Variants in CRISPLD1 observed in about 807,000 individuals in gnomAD.
CRISPLD1 encodes the protein cysteine rich secretory protein LCCL domain containing 1.
A neutral mutation model predicts 77.5 loss-of-function variants in CRISPLD1; 60 were observed. That is an observed-to-expected ratio of 0.77 (90% CI 0.63 to 0.96). The LOEUF (loss-of-function observed/expected upper bound fraction) is 0.96. Among genes scored for constraint, CRISPLD1 ranks in the 40% least tolerant of loss-of-function variants. The pLI, the probability that CRISPLD1 is intolerant of heterozygous loss-of-function variation, is 0.00. For synonymous variants in CRISPLD1, 195 were observed against 200.1 expected, an observed-to-expected ratio of 0.97 and a Z score of 0.22; for missense variants, 623 against 615.8, an observed-to-expected ratio of 1.01 and a Z score of -0.12.
intron 2 of CRISPLD1, among the ~76,000 whole-genome samples, chr8:75,009,340 A>G (rs1433136761): frequency 6.6e-6 from 1 of 151,610 alleles, no homozygotes; most frequent in Non-Finnish European, 1.5e-5. Context: ...AAAAAAAGAA[A>G]AAAAAAAGAA....
chr8:75,002,737 C>T (rs930155737), intron 2 of CRISPLD1, among the ~76,000 whole-genome samples: 3 of 152,040 alleles, frequency 2.0e-5, no homozygotes, highest in Non-Finnish European at 4.4e-5. Context: ...TTGTGTGTTT[C>T]CTTGGCCAAA....
chr8:75,018,413 T>A (rs1023911461), intron 10 of CRISPLD1, among the ~76,000 whole-genome samples: 2 of 152,118 alleles, frequency 1.3e-5, no homozygotes, highest in Admixed American at 1.3e-4. Flanking sequence ...TGCTTCAGTC[T>A]CCCAAGTAGC....
intron 3 of CRISPLD1, among the ~76,000 whole-genome samples, 165 bp from the exon 4 acceptor site, chr8:75,012,725 A>T (rs1045604944): frequency 6.6e-6 from 1 of 152,290 alleles, no homozygotes; most frequent in East Asian, 1.9e-4. Flanking sequence ...TTAGACTTTA[A>T]TGTAAATCAT....
intron 10 of CRISPLD1, among the ~76,000 whole-genome samples, chr8:75,018,092 A>C (rs548788803): frequency 2.6e-5 from 4 of 152,322 alleles, no homozygotes; most frequent in South Asian, 4.1e-4. Flanking sequence ...TAAGTAAAAC[A>C]GTAAACATTA....
intron 2 of CRISPLD1, among the ~76,000 whole-genome samples, chr8:75,007,955 A>G (rs1812863939): frequency 6.6e-6 from 1 of 152,078 alleles, no homozygotes; most frequent in Non-Finnish European, 1.5e-5. Flanking sequence ...TGCTGGGAAT[A>G]TGGGCATGAG....
intron 5 of CRISPLD1, among the ~76,000 whole-genome samples, chr8:75,014,310 G>T (rs1812989003): frequency 6.6e-6 from 1 of 152,076 alleles, no homozygotes; most frequent in Non-Finnish European, 1.5e-5. Context: ...TATAATCTTT[G>T]TGAATATGGG....
chr8:75,000,333 A>T (rs372865874), intron 2 of CRISPLD1: 1 of 985,320 alleles, frequency 1.0e-6, no homozygotes, highest in African/African-American at 1.7e-5. Context: ...TTGAAGGAAG[A>T]TGGAATAAGA....
At chr8:74,998,202 T>G (rs550438216) in intron 2 of CRISPLD1, among the ~76,000 whole-genome samples, 1 of 152,254 alleles carries the variant, frequency 6.6e-6, no homozygotes, top group East Asian at 1.9e-4. Context: ...AAAGCTTCTC[T>G]TTTGTCCAGA....
chr8:75,025,487 TAAG>T (rs1813215668), intron 12 of CRISPLD1, 56 bp from the exon 13 acceptor site: 6 of 663,848 alleles, frequency 9.0e-6, no homozygotes, highest in South Asian at 3.9e-5. Context: ...GTTTTACTAA[TAAG>T]AAAGACTTAA....
At chr8:75,022,602 A>G (rs1033536962) in intron 12 of CRISPLD1, among the ~76,000 whole-genome samples, 9 of 151,628 alleles carry the variant, frequency 5.9e-5, no homozygotes, top group Non-Finnish European at 8.8e-5. Flanking sequence ...AAAAAAAAAA[A>G]AAAGAAAAAA....
At chr8:75,014,772 C>A in intron 5 of CRISPLD1, 40 bp from the exon 6 acceptor site, 2 of 1,299,040 alleles carry the variant, frequency 1.5e-6, no homozygotes, top group Non-Finnish European at 2.2e-6. Flanking sequence ...TAAATTATGC[C>A]ATTAGACTAC....
At chr8:75,003,813 T>C (rs191638907) in intron 2 of CRISPLD1, among the ~76,000 whole-genome samples, 1 of 152,248 alleles carries the variant, frequency 6.6e-6, no homozygotes, top group Admixed American at 6.5e-5. Flanking sequence ...GCTTAATCAG[T>C]AGAAATTCTA....
intron 2 of CRISPLD1, among the ~76,000 whole-genome samples, chr8:75,001,678 A>G (rs1343986541): frequency 1.3e-5 from 2 of 152,136 alleles, no homozygotes; most frequent in Non-Finnish European, 2.9e-5. Flanking sequence ...CAGCTGATTC[A>G]ATGGGGAGGA....
At chr8:75,005,695 T>G (rs944948894) in intron 2 of CRISPLD1, among the ~76,000 whole-genome samples, 1 of 152,168 alleles carries the variant, frequency 6.6e-6, no homozygotes, top group Non-Finnish European at 1.5e-5. Context: ...AGCATGCACA[T>G]TTATGTGTCT....
chr8:75,019,664 G>A (rs757550983), intron 10 of CRISPLD1, among the ~76,000 whole-genome samples: 3 of 151,840 alleles, frequency 2.0e-5, no homozygotes, highest in Admixed American at 6.6e-5. Context: ...AGAGATTACC[G>A]GAAGAATGGT....
intron 2 of CRISPLD1, among the ~76,000 whole-genome samples, chr8:74,998,887 C>A (rs1263111356): frequency 1.3e-5 from 2 of 151,674 alleles, no homozygotes; most frequent in African/African-American, 4.8e-5. Flanking sequence ...GACTAGGCAA[C>A]ATCTGGAGAC....
At chr8:74,990,672 CA>C (rs1812558672) in intron 2 of CRISPLD1, among the ~76,000 whole-genome samples, 1 of 150,276 alleles carries the variant, frequency 6.7e-6, no homozygotes. Context: ...AAAACAAAAA[CA>C]AAAAAACTGC....
chr8:74,998,209 C>T (rs1812674401), intron 2 of CRISPLD1, among the ~76,000 whole-genome samples: 1 of 152,030 alleles, frequency 6.6e-6, no homozygotes, highest in African/African-American at 2.4e-5. Context: ...CTCTTTTGTC[C>T]AGACACAGTG....
intron 8 of CRISPLD1, 43 bp downstream of exon 8, chr8:75,016,984 A>T: frequency 6.6e-7 from 1 of 1,524,128 alleles, no homozygotes; most frequent in South Asian, 1.2e-5. Context: ...AATATAATAA[A>T]TATTTTTATT....
Sources: allele counts gnomAD v4.1 joint callset (sites outside exome capture counted in the v4.1 genomes callset), GRCh38; gene constraint gnomAD v4.1.1; transcripts MANE v1.5; gene names NCBI Gene and HGNC (gene_info 2026-07-23, HGNC 2026-07-21).